The following MAP7 variants were observed in gnomAD, a reference collection of about 807,000 sequenced individuals.
The protein encoded by MAP7 is ensconsin.
Under a neutral mutation model 94.8 loss-of-function variants are expected in MAP7, and 52 were observed. That is an observed-to-expected ratio of 0.55 (90% confidence interval 0.44 to 0.69). The LOEUF (loss-of-function observed/expected upper bound fraction) is 0.69. MAP7 is among the 30% of genes least tolerant of loss of function. MAP7 has a pLI of 0.00. For missense variants in MAP7, 940 were observed against 964.6 expected, an observed-to-expected ratio of 0.97 and a Z score of 0.34; for synonymous variants, 350 against 357.0, an observed-to-expected ratio of 0.98 and a Z score of 0.22.
chr6:136,430,819 T>C (rs1794677905), intron 1 of MAP7, among the ~76,000 whole-genome samples: 1 of 152,174 alleles, frequency 6.6e-6, no homozygotes, highest in Admixed American at 6.5e-5. Context: ...TTACGTCTCA[T>C]CTCTTTTTCT....
intron 1 of MAP7, among the ~76,000 whole-genome samples, chr6:136,457,424 C>G (rs1028544314): frequency 6.6e-6 from 1 of 152,034 alleles, no homozygotes; most frequent in African/African-American, 2.4e-5. Flanking sequence ...TTCTCAAACT[C>G]TTCCATGAAA....
At chr6:136,485,893 C>G (rs934752890) in intron 1 of MAP7, among the ~76,000 whole-genome samples, 2 of 152,146 alleles carry the variant, frequency 1.3e-5, no homozygotes, top group African/African-American at 2.4e-5. Flanking sequence ...TAAATAGAAC[C>G]TATAATGCAT....
intron 3 of MAP7, among the ~76,000 whole-genome samples, chr6:136,402,898 T>C (rs1303443770): frequency 3.9e-5 from 3 of 76,462 alleles, no homozygotes; most frequent in Non-Finnish European, 6.7e-5. Context: ...AGAGCAAGAC[T>C]CTGTCTCAAA....
intron 1 of MAP7, among the ~76,000 whole-genome samples, chr6:136,470,793 G>T (rs573518003): frequency 6.6e-6 from 1 of 152,078 alleles, no homozygotes; most frequent in South Asian, 2.1e-4. Flanking sequence ...TGAAGATCTA[G>T]TTGTTCTACC....
At chr6:136,423,335 G>A (rs1791999179) in intron 1 of MAP7, among the ~76,000 whole-genome samples, 1 of 152,174 alleles carries the variant, frequency 6.6e-6, no homozygotes, top group African/African-American at 2.4e-5. Context: ...AAAATTAAAC[G>A]AGATAACGTA....
chr6:136,454,264 A>C (rs1802051841), intron 1 of MAP7, among the ~76,000 whole-genome samples: 3 of 134,588 alleles, frequency 2.2e-5, no homozygotes, highest in Admixed American at 7.5e-5. Flanking sequence ...ACTTAACCCT[A>C]CCTAAATGAT....
intron 1 of MAP7, among the ~76,000 whole-genome samples, chr6:136,512,206 A>G (rs933556416): frequency 3.3e-5 from 5 of 152,234 alleles, no homozygotes; most frequent in African/African-American, 1.2e-4. Flanking sequence ...TCTGGCTGGC[A>G]GGGCCAGAGT....
intron 1 of MAP7, among the ~76,000 whole-genome samples, chr6:136,473,434 T>A (rs1583014077): frequency 6.6e-6 from 1 of 152,238 alleles, no homozygotes. Context: ...AATATTTTAG[T>A]ATCTGTTCTT....
In MAP7 at chr6:136,466,521, A is replaced by G. The variant is rs552668429; in HGVS notation, c.68-44722T>C. On this transcript the variant is annotated intron_variant, in intron 1 of 17. Coordinates refer to ENST00000354570, the MANE Select transcript of MAP7 (RefSeq NM_003980.6). ...GGAAACTATCAAACGGCTCTAGGAC[A>G]TGAAGGTAGAAGTATAAATCCATAG... Among the ~76,000 whole-genome samples, 12 of 152,250 alleles carry G rather than the reference A, an allele frequency of 7.9e-5. No homozygotes were observed. The South Asian group carries it at 2.3e-3, about 29-fold the overall frequency.
At chr6:136,414,047 A>G (rs1460034408) in intron 2 of MAP7, among the ~76,000 whole-genome samples, 2 of 151,634 alleles carry the variant, frequency 1.3e-5, no homozygotes, top group African/African-American at 4.8e-5. Context: ...CAGGAGATCG[A>G]GACCATCCTG....
At chr6:136,506,658 C>A (rs1315059215) in intron 1 of MAP7, among the ~76,000 whole-genome samples, 1 of 152,172 alleles carries the variant, frequency 6.6e-6, no homozygotes, top group East Asian at 1.9e-4. Flanking sequence ...CACTGACGTG[C>A]AAGAACACTG....
At chr6:136,392,554 CTAAGT>C (rs565518698) in intron 3 of MAP7, among the ~76,000 whole-genome samples, 27 of 152,032 alleles carry the variant, frequency 1.8e-4, no homozygotes, top group Middle Eastern at 3.4e-3. Flanking sequence ...GATAGGTTAT[CTAAGT>C]TATTTCCAGT....
chr6:136,545,378 C>T (rs1829650302), intron 1 of MAP7: 1 of 152,086 alleles, frequency 6.6e-6, no homozygotes, highest in African/African-American at 2.4e-5. Flanking sequence ...ACTTTGCTTT[C>T]ATTAGCTAAA....
chr6:136,375,830 G>C (rs1482709190), intron 7 of MAP7, among the ~76,000 whole-genome samples: 1 of 152,124 alleles, frequency 6.6e-6, no homozygotes, highest in African/African-American at 2.4e-5. Context: ...TCAAAATAAA[G>C]AGCCGGTTTG....
intron 3 of MAP7, among the ~76,000 whole-genome samples, chr6:136,399,777 G>A (rs1198375584): frequency 6.6e-6 from 1 of 152,106 alleles, no homozygotes; most frequent in Admixed American, 6.6e-5. Context: ...ACTGATATAT[G>A]TGCTGAATAA....
chr6:136,419,186 C>T (rs959432309), intron 2 of MAP7, among the ~76,000 whole-genome samples: 1 of 152,122 alleles, frequency 6.6e-6, no homozygotes, highest in African/African-American at 2.4e-5. Flanking sequence ...ATCCATCATA[C>T]TGTCAACTGG....
At chr6:136,420,337 C>T (rs568710449) in intron 2 of MAP7, 7 of 682,552 alleles carry the variant, frequency 1.0e-5, no homozygotes, top group South Asian at 3.2e-5. Flanking sequence ...GCTTGCCCTG[C>T]GTGCCCAGCC....
At chr6:136,452,865 G>A (rs1323969816) in intron 1 of MAP7, among the ~76,000 whole-genome samples, 1 of 152,078 alleles carries the variant, frequency 6.6e-6, no homozygotes, top group African/African-American at 2.4e-5. Flanking sequence ...TATTTGTAAT[G>A]AAAATATGTA....
chr6:136,536,824 T>A (rs564695213), intron 1 of MAP7, among the ~76,000 whole-genome samples: 163 of 152,362 alleles, frequency 1.1e-3, no homozygotes, highest in African/African-American at 3.8e-3. Flanking sequence ...TGTTTCCAGA[T>A]AGGTACATCT....
Sources: gnomAD v4.1 joint callset for allele counts (sites outside exome capture counted in the v4.1 genomes callset) on GRCh38, gnomAD v4.1.1 for gene constraint, MANE v1.5 for transcripts, NCBI Gene and HGNC (gene_info 2026-07-23, HGNC 2026-07-21) for gene names.